Variants in SLC38A8 observed in about 807,000 individuals in gnomAD.
SLC38A8 encodes the protein solute carrier family 38 member 8, also known as amino acid transporter SLC38A8.
In SLC38A8, 65 loss-of-function variants were observed where a neutral mutation model predicts 46.0. That is an observed-to-expected ratio of 1.41 (90% confidence interval 1.16 to 1.74). The LOEUF is 1.74. SLC38A8 is among the 40% of genes most tolerant of loss of function. SLC38A8 has a pLI of 0.00. For missense variants in SLC38A8, 998 were observed against 567.9 expected (o/e 1.76, Z -7.70); for synonymous variants, 447 against 243.7 (o/e 1.83, Z -7.77).
chr16:84,037,503 G>C (rs1348487614), intron 2 of SLC38A8, among the ~76,000 whole-genome samples: 1 of 152,206 alleles, frequency 6.6e-6, no homozygotes, highest in East Asian at 1.9e-4. Context: ...GCTCATGCCT[G>C]CAATCCCAGC....
rs571727378 is a variant in SLC38A8, at chr16:84,022,704, G to A, written c.805+71C>T. ...CAGCACGTGGTAAACTCTCTAGAGA[G>A]ATACTCGCTGTTACTCTTGTTTCTA... On this transcript the variant is annotated intron_variant, in intron 7 of 10. Transcript: ENST00000299709. 6 of 1,170,912 alleles carry A rather than the reference G, an allele frequency of 5.1e-6. No individual in the cohort carries two copies. The African/African-American group carries it at 6.1e-5, about 12-fold the overall frequency. 72.5% of individuals were successfully genotyped at this position (1,170,912 alleles called of 1,614,324 possible). A position where few individuals can be genotyped will look rare whatever the true frequency, so the allele number is the denominator to read the frequency against.
intron 10 of SLC38A8, among the ~76,000 whole-genome samples, chr16:84,010,747 A>C (rs2084943007): frequency 6.6e-6 from 1 of 152,178 alleles, no homozygotes; most frequent in Non-Finnish European, 1.5e-5. Context: ...CCATCTCAAA[A>C]AGAGAAAAAG....
intron 8 of SLC38A8, 146 bp from the exon 9 acceptor site, chr16:84,016,873 G>C (rs2085033259): frequency 3.7e-6 from 4 of 1,080,186 alleles, no homozygotes; most frequent in Non-Finnish European, 5.2e-6. Flanking sequence ...AGGAGACCTT[G>C]CCAACCCTCA....
In SLC38A8 at chr16:84,009,836, C is replaced by G; in HGVS notation, c.1256G>C (p.Gly419Ala). The change falls in exon 11 of 11, where the codon GGC becomes GCC. Residue 419 changes from glycine (G) to alanine (A), a missense_variant. Transcript: ENST00000299709. Reference protein sequence around the residue: ...EVWGVVSVLVGTFIFGQSTAA... With the variant: ...EVWGVVSVLVATFIFGQSTAA... ...CGTGCTCTGCCCAAAGATGAAGGTG[C>G]CGACCAGCACAGAGACCACTCCCCA... The G allele has an allele frequency of 6.2e-7, 1 of 1,614,058 alleles. No homozygotes were observed.
At position 84,009,802 on chromosome 16, in the gene SLC38A8, C is replaced by T. The variant is rs372266076; in HGVS notation, c.1290G>A (p.Ala430=). The T allele has an allele frequency of 2.4e-5, 38 of 1,613,868 alleles. No individual in the cohort carries two copies. In the African/African-American group the frequency reaches 3.1e-4, roughly 13 times the overall value. The part of the protein sequence containing the change: ...TFIFGQSTAA[A]VWEMF ...CTGCCCATCAGAACATCTCCCAGAC[C>T]GCTGCCGCCGTGCTCTGCCCAAAGA... is the stretch of plus-strand genomic sequence containing the variant. Residue 430 remains alanine (A), a synonymous_variant, in exon 11 of 11, where the codon GCG becomes GCA. Transcript: ENST00000299709.
chr16:84,022,921 T>C (rs1250895816), intron 6 of SLC38A8, 32 bp from the exon 7 acceptor site: 2 of 1,501,424 alleles, frequency 1.3e-6, no homozygotes, highest in Non-Finnish European at 1.8e-6. Context: ...AGCAGGATGC[T>C]GGCTTCCCCT....
intron 4 of SLC38A8, 132 bp downstream of exon 4, chr16:84,033,196 T>A (rs1435906920): frequency 1.6e-6 from 2 of 1,227,822 alleles, no homozygotes; most frequent in Non-Finnish European, 2.3e-6. Flanking sequence ...CTTGTATAAT[T>A]TTTTTTTCGT....
intron 6 of SLC38A8, among the ~76,000 whole-genome samples, chr16:84,028,254 T>C (rs1292311259): frequency 2.6e-5 from 4 of 152,034 alleles, no homozygotes; most frequent in Non-Finnish European, 4.4e-5. Flanking sequence ...GATAGGTGGT[T>C]GTTTTTAGGA....
chr16:84,017,188 A>T lies in SLC38A8; in HGVS notation c.905T>A (p.Phe302Tyr). 1 of 1,614,150 alleles carries T rather than the reference A, an allele frequency of 6.2e-7. No individual in the cohort carries two copies. Among genetic ancestry groups the T allele is most frequent in the South Asian group, 1.1e-5 (1 of 91,072 alleles). ...GTAGACAGTTACGATGGAGACAGCA[A>T]AAAGGACCCGGGCCACAATGATGAC... is the stretch of plus-strand genomic sequence containing the variant. ...DMVIIVARVL[F>Y]AVSIVTVYPI... Residue 302 changes from phenylalanine (F) to tyrosine (Y), a missense_variant, in exon 8 of 11, where the codon TTT (phenylalanine) becomes TAT (tyrosine). Phe to Tyr is a conservative substitution (Grantham distance 22). Coordinates refer to ENST00000299709, the MANE Select transcript of SLC38A8 (RefSeq NM_001080442.3).
chr16:84,030,093 T>G (rs2085220418), intron 5 of SLC38A8, among the ~76,000 whole-genome samples: 1 of 152,108 alleles, frequency 6.6e-6, no homozygotes, highest in South Asian at 2.1e-4. Context: ...AGGGTGAGCC[T>G]GAATCCAATG....
chr16:84,042,010 A>G lies in SLC38A8; in HGVS notation c.148T>C (p.Ser50Pro), dbSNP rs761614988. Residue 50 changes from serine to proline, a missense_variant, in exon 2 of 11, where the codon TCC becomes CCC. Coordinates refer to ENST00000299709, the MANE Select transcript of SLC38A8 (RefSeq NM_001080442.3). ...AGLLNFPWAF[S>P]KAGGVVPAFL... Reference sequence around the variant, plus strand: ...GCAGGGACCACTCCGCCCGCTTTGGAGAAGGCCCAGGGGAAGTTGAGCAGG... The same window carrying G: ...GCAGGGACCACTCCGCCCGCTTTGGGGAAGGCCCAGGGGAAGTTGAGCAGG... 3.1e-6 allele frequency: 5 copies of G among 1,611,812 alleles called. No homozygotes were observed. In the African/African-American group the frequency reaches 6.7e-5, roughly 22 times the overall value.
At chr16:84,026,567 G>A (rs1342136577) in intron 6 of SLC38A8, among the ~76,000 whole-genome samples, 1 of 152,200 alleles carries the variant, frequency 6.6e-6, no homozygotes. Context: ...GGCCTGCTGA[G>A]GGCAGGCAGT....
chr16:84,021,303 G>A lies in SLC38A8; in HGVS notation c.805+1472C>T, dbSNP rs148170934. 3.9e-3 allele frequency among the ~76,000 whole-genome samples: 588 copies of A among 152,270 alleles called. 8 individuals carry two copies. The highest frequency in any genetic ancestry group is 0.013 in the African/African-American group (559 of 41,544). On this transcript the variant is annotated intron_variant, in intron 7 of 10. Transcript: ENST00000299709. ...TGGTCTCAAAATCCTGACCTCAAGT[G>A]ATCCACCTGCCTCGGCCTCCCAAAG...
intron 6 of SLC38A8, among the ~76,000 whole-genome samples, chr16:84,025,259 C>A (rs531579737): frequency 4.6e-5 from 7 of 152,174 alleles, no homozygotes; most frequent in African/African-American, 7.2e-5. Flanking sequence ...CAAAACCAAA[C>A]GTGCCAAGGC....
intron 6 of SLC38A8, among the ~76,000 whole-genome samples, chr16:84,024,686 C>T (rs906890929): frequency 6.6e-6 from 1 of 152,050 alleles, no homozygotes; most frequent in Non-Finnish European, 1.5e-5. Flanking sequence ...GAGGCTAAGG[C>T]AGGAGAGTCG....
chr16:84,028,898 G>A (rs922269592), intron 6 of SLC38A8, among the ~76,000 whole-genome samples: 1 of 152,094 alleles, frequency 6.6e-6, no homozygotes, highest in Non-Finnish European at 1.5e-5. Context: ...ACCTTGAGCG[G>A]ACACCTCTGA....
rs1349143835 is a variant in SLC38A8, at chr16:84,033,395, G to T, written c.463C>A (p.Leu155Met). The T allele has an allele frequency of 4.3e-6, 7 of 1,613,892 alleles. No individual in the cohort carries two copies. Among genetic ancestry groups the T allele is most frequent in the Non-Finnish European group, 5.9e-6 (7 of 1,179,982 alleles). ...GGCAGGATGACCAGCACGGAGAGCA[G>T]GGGCAGGGTGAAGCGCTGGTCTGCG... ...WYADQRFTLPLLSVLVILPLS... is the reference protein window; with the variant it reads ...WYADQRFTLPMLSVLVILPLS... Residue 155 changes from leucine (L) to methionine (M), a missense_variant, in exon 4 of 11, where the codon CTG becomes ATG. Coordinates refer to ENST00000299709, the MANE Select transcript of SLC38A8 (RefSeq NM_001080442.3).
chr16:84,016,063 G>A (rs1218699294), intron 9 of SLC38A8, among the ~76,000 whole-genome samples: 2 of 151,946 alleles, frequency 1.3e-5, no homozygotes, highest in Non-Finnish European at 2.9e-5. Context: ...CATGGCAAAA[G>A]GCAAATAAGG....
upstream of SLC38A8, among the ~76,000 whole-genome samples, chr16:84,043,033 A>T (rs1297186281): frequency 2.6e-5 from 4 of 151,980 alleles, no homozygotes; most frequent in African/African-American, 9.7e-5. Context: ...GGGGCGTGAA[A>T]AGTGCCCTGA....
Sources: gnomAD v4.1 joint callset for allele counts (sites outside exome capture counted in the v4.1 genomes callset) on GRCh38, gnomAD v4.1.1 for gene constraint, MANE v1.5 for transcripts, NCBI Gene and HGNC (gene_info 2026-07-23, HGNC 2026-07-21) for gene names.